The following EMC2 variants were observed in gnomAD, a reference collection of about 807,000 sequenced individuals.
EMC2 encodes TPR repeat protein 35.
A neutral mutation model predicts 51.6 loss-of-function variants in EMC2; 37 were observed. The ratio of observed to expected loss-of-function variants is 0.72; its 90% CI spans 0.55 to 0.94. The LOEUF is 0.94. EMC2 is among the 40% of genes least tolerant of loss of function. The pLI is 0.00. For synonymous variants in EMC2, 131 were observed against 112.4 expected, an observed-to-expected ratio of 1.17 and a Z score of -1.04; for missense variants, 359 against 350.9, an observed-to-expected ratio of 1.02 and a Z score of -0.18.
intron 10 of EMC2, among the ~76,000 whole-genome samples, chr8:108,483,224 AGACCCCCTT>A (rs1177029178): frequency 4.6e-5 from 7 of 152,172 alleles, no homozygotes; most frequent in African/African-American, 1.7e-4. Flanking sequence ...CAGTGTGACA[AGACCCCCTT>A]GAGGTATATT....
chr8:108,485,971 A>G (rs1035576163), intron 10 of EMC2, among the ~76,000 whole-genome samples: 65 of 151,886 alleles, frequency 4.3e-4, no homozygotes, highest in South Asian at 2.1e-4. Flanking sequence ...TTGCAGAACC[A>G]TATCATTTAG....
intron 10 of EMC2, 77 bp downstream of exon 10, chr8:108,479,187 C>A: frequency 1.4e-6 from 1 of 709,184 alleles, no homozygotes; most frequent in South Asian, 2.9e-5. Context: ...ACTACAAAGT[C>A]GTATGTCTAG....
intron 10 of EMC2, among the ~76,000 whole-genome samples, chr8:108,483,611 G>A (rs1377490389): frequency 6.6e-6 from 1 of 152,072 alleles, no homozygotes; most frequent in Non-Finnish European, 1.5e-5. Flanking sequence ...ATTATGTAAA[G>A]GTAAATTTAA....
chr8:108,482,710 A>G (rs997086583), intron 10 of EMC2, among the ~76,000 whole-genome samples: 3 of 151,898 alleles, frequency 2.0e-5, no homozygotes, highest in Non-Finnish European at 4.4e-5. Context: ...CAGCCTCCCA[A>G]CTAGCTGGTA....
intron 1 of EMC2, among the ~76,000 whole-genome samples, chr8:108,448,864 C>T (rs1344081503): frequency 6.6e-6 from 1 of 151,154 alleles, no homozygotes; most frequent in East Asian, 1.9e-4. Context: ...TTTTTTGCAC[C>T]AGAATGATTT....
At chr8:108,443,751 T>C in intron 1 of EMC2, 53 bp downstream of exon 1, 1 of 1,504,636 alleles carries the variant, frequency 6.6e-7, no homozygotes, top group Non-Finnish European at 9.1e-7. Context: ...GGGAAGCCGT[T>C]CGGGAGTACC....
chr8:108,460,531 C>T (rs531633852), intron 5 of EMC2, among the ~76,000 whole-genome samples: 3 of 152,250 alleles, frequency 2.0e-5, no homozygotes, highest in East Asian at 3.9e-4. Flanking sequence ...TGATGAGTCA[C>T]AGTCAAAACA....
At chr8:108,484,813 A>G (rs1272427990) in intron 10 of EMC2, among the ~76,000 whole-genome samples, 3 of 152,000 alleles carry the variant, frequency 2.0e-5, no homozygotes, top group Non-Finnish European at 4.4e-5. Context: ...TATTAACTGG[A>G]TAACAGAAGT....
At chr8:108,447,100 TATAC>T (rs1480846736) in intron 1 of EMC2, among the ~76,000 whole-genome samples, 1 of 152,230 alleles carries the variant, frequency 6.6e-6, no homozygotes, top group Non-Finnish European at 1.5e-5. Flanking sequence ...TAAGTATACC[TATAC>T]ATGAATCTTT....
At chr8:108,485,545 A>T (rs13266112) in intron 10 of EMC2, among the ~76,000 whole-genome samples, 1 of 67,198 alleles carries the variant, frequency 1.5e-5, no homozygotes, top group African/African-American at 9.7e-5. Flanking sequence ...ATATATATGT[A>T]TATATATATA....
At chr8:108,468,634 G>A (rs1378076747) in intron 5 of EMC2, among the ~76,000 whole-genome samples, 3 of 151,966 alleles carry the variant, frequency 2.0e-5, no homozygotes, top group South Asian at 4.1e-4. Flanking sequence ...ACCCCGTAAT[G>A]AGTAGCTCTT....
At chr8:108,465,253 T>C (rs1165700392) in intron 5 of EMC2, among the ~76,000 whole-genome samples, 1 of 152,192 alleles carries the variant, frequency 6.6e-6, no homozygotes, top group Non-Finnish European at 1.5e-5. Flanking sequence ...TATATATCTT[T>C]AGTTGGGAAA....
chr8:108,460,624 T>C (rs889108354), intron 5 of EMC2, among the ~76,000 whole-genome samples: 3 of 152,314 alleles, frequency 2.0e-5, no homozygotes, highest in African/African-American at 7.2e-5. Context: ...ATAAGGTGTA[T>C]AGGAAATGTA....
At chr8:108,446,200 A>T (rs1323551652) in intron 1 of EMC2, 1 of 345,486 alleles carries the variant, frequency 2.9e-6, no homozygotes, top group African/African-American at 2.1e-5. Context: ...TTTAGGAAAT[A>T]TTAGTTGAGT....
intron 5 of EMC2, among the ~76,000 whole-genome samples, chr8:108,458,104 C>G (rs566779623): frequency 1.3e-5 from 2 of 152,356 alleles, no homozygotes; most frequent in South Asian, 4.1e-4. Context: ...GCAGAATGAT[C>G]TCCTTTGACT....
At chr8:108,467,355 C>CT (rs1233413136) in intron 5 of EMC2, among the ~76,000 whole-genome samples, 76 of 142,178 alleles carry the variant, frequency 5.3e-4, no homozygotes, top group East Asian at 8.0e-4. Context: ...CTTTAAGTGG[C>CT]TTTTTTTTTT....
chr8:108,456,553 A>G (rs967452102), intron 5 of EMC2, among the ~76,000 whole-genome samples: 4 of 152,186 alleles, frequency 2.6e-5, no homozygotes, highest in South Asian at 4.1e-4. Flanking sequence ...AAGGCATTTT[A>G]TTTTGTTTTT....
intron 10 of EMC2, among the ~76,000 whole-genome samples, chr8:108,485,534 T>C: frequency 1.3e-5 from 1 of 76,494 alleles, no homozygotes; most frequent in South Asian, 5.0e-4. Context: ...ATATATATAA[T>C]ATATATATGT....
intron 9 of EMC2, 52 bp downstream of exon 9, chr8:108,476,944 TC>T: frequency 1.2e-6 from 1 of 854,830 alleles, no homozygotes; most frequent in Non-Finnish European, 2.0e-6. Context: ...TCACTTAAAA[TC>T]CATTTAACTA....
Sources: allele counts gnomAD v4.1 joint callset (sites outside exome capture counted in the v4.1 genomes callset), GRCh38; gene constraint gnomAD v4.1.1; transcripts MANE v1.5; gene names NCBI Gene and HGNC (gene_info 2026-07-23, HGNC 2026-07-21).